The following MOBP variants were observed in gnomAD, a reference collection of about 807,000 sequenced individuals.
MOBP encodes the protein myelin-associated oligodendrocyte basic protein.
A neutral mutation model predicts 15.0 loss-of-function variants in MOBP; 5 were observed. The ratio of observed to expected loss-of-function variants is 0.33; its 90% CI spans 0.17 to 0.70. MOBP has a LOEUF of 0.70. Ranked by LOEUF, MOBP falls within the 30% of genes least tolerant of loss-of-function variation. The pLI is 0.67. For missense variants in MOBP, 188 were observed against 257.8 expected (o/e 0.73, Z 1.85); for synonymous variants, 88 against 99.0 (o/e 0.89, Z 0.66).
downstream of MOBP, among the ~76,000 whole-genome samples, chr3:39,503,318 C>G (rs2043003912): frequency 6.6e-6 from 1 of 152,214 alleles, no homozygotes; most frequent in Non-Finnish European, 1.5e-5. Context: ...CAATACCATT[C>G]ATTCATTCAC....
At chr3:39,481,298 G>A (rs1559416467) in intron 2 of MOBP, among the ~76,000 whole-genome samples, 1 of 152,100 alleles carries the variant, frequency 6.6e-6, no homozygotes, top group Non-Finnish European at 1.5e-5. Context: ...TTCCTCTCAA[G>A]CCTCAAACTC....
chr3:39,495,269 C>A (rs2042861318), intron 2 of MOBP, among the ~76,000 whole-genome samples: 1 of 151,914 alleles, frequency 6.6e-6, no homozygotes, highest in South Asian at 2.1e-4. Flanking sequence ...AAAAATATCT[C>A]CATATATTTG....
At chr3:39,510,580 T>C (rs1367584771) in intron 4 of MOBP, among the ~76,000 whole-genome samples, 1 of 152,236 alleles carries the variant, frequency 6.6e-6, no homozygotes, top group Non-Finnish European at 1.5e-5. Flanking sequence ...AAAATAGCAT[T>C]CTTTTTCAAT....
downstream of MOBP, chr3:39,503,096 C>T (rs142231651): frequency 8.3e-4 from 404 of 486,998 alleles, 5 homozygotes; most frequent in Middle Eastern, 0.013. Context: ...GTGGCCATTG[C>T]TTCCGTTGTC....
chr3:39,520,554 G>A (rs1487872869), downstream of MOBP, among the ~76,000 whole-genome samples: 1 of 136,886 alleles, frequency 7.3e-6, no homozygotes, highest in Non-Finnish European at 1.5e-5. Context: ...GTGTGTGTGT[G>A]TGTATGTGTG....
chr3:39,518,296 C>G (rs1312243296), downstream of MOBP, among the ~76,000 whole-genome samples: 1 of 152,092 alleles, frequency 6.6e-6, no homozygotes, highest in African/African-American at 2.4e-5. Context: ...AAAGTTTTCT[C>G]TTGGATCAAG....
exon 5 of MOBP, chr3:39,514,121 C>A (rs1036165650): frequency 6.6e-6 from 1 of 152,252 alleles, no homozygotes; most frequent in Non-Finnish European, 1.5e-5. Context: ...GCCTGAAAAG[C>A]AGCTCTCTCC....
At chr3:39,472,046 ACC>A (rs953908939) in intron 1 of MOBP, among the ~76,000 whole-genome samples, 28 of 152,304 alleles carry the variant, frequency 1.8e-4, no homozygotes, top group African/African-American at 6.5e-4. Context: ...TCAAGTCCCT[ACC>A]CCTTGGGTGC....
intron 2 of MOBP, among the ~76,000 whole-genome samples, chr3:39,482,716 T>C (rs185203847): frequency 1.3e-4 from 20 of 151,438 alleles, no homozygotes; most frequent in Non-Finnish European, 2.9e-5. Context: ...TCCTTCAGTA[T>C]ATTAAGGATT....
intron 4 of MOBP, among the ~76,000 whole-genome samples, chr3:39,511,913 C>T (rs752546893): frequency 1.3e-5 from 2 of 152,188 alleles, no homozygotes; most frequent in Non-Finnish European, 2.9e-5. Context: ...TGAATCTGAG[C>T]TCTGCTGCCT....
intron 2 of MOBP, among the ~76,000 whole-genome samples, chr3:39,499,061 G>A (rs967255526): frequency 6.6e-6 from 1 of 152,134 alleles, no homozygotes; most frequent in South Asian, 2.1e-4. Context: ...TGCCTGAGCC[G>A]TTTGGGAAAA....
At chr3:39,485,383 C>T (rs1464047) in intron 2 of MOBP, among the ~76,000 whole-genome samples, 58,531 of 152,026 alleles carry the variant, frequency 0.39, 12,796 homozygotes, top group Non-Finnish European at 0.5. Context: ...GGTCGTCAGC[C>T]GCTGGCCTGA....
chr3:39,497,656 A>G (rs541079758), intron 2 of MOBP, among the ~76,000 whole-genome samples: 10 of 152,392 alleles, frequency 6.6e-5, no homozygotes, highest in African/African-American at 2.2e-4. Context: ...ACATTAAAAA[A>G]TGAGATAAAG....
intron 2 of MOBP, among the ~76,000 whole-genome samples, chr3:39,496,938 C>T (rs1204886346): frequency 6.6e-6 from 1 of 152,182 alleles, no homozygotes; most frequent in Non-Finnish European, 1.5e-5. Context: ...GTTGGGATTA[C>T]AGGCGTTAGC....
intron 1 of MOBP, among the ~76,000 whole-genome samples, chr3:39,473,677 T>C (rs2042501852): frequency 6.6e-6 from 1 of 152,194 alleles, no homozygotes; most frequent in Admixed American, 6.5e-5. Context: ...TTGCTATCTC[T>C]AGGAATCAGC....
intron 2 of MOBP, among the ~76,000 whole-genome samples, chr3:39,496,978 C>T (rs1708018): frequency 0.28 from 41,909 of 151,908 alleles, 6,916 homozygotes; most frequent in African/African-American, 0.46. Flanking sequence ...AATTTTTATA[C>T]TTTTAGTAGA....
downstream of MOBP, chr3:39,529,033 A>G (rs2043362726): frequency 6.6e-6 from 1 of 152,272 alleles, no homozygotes; most frequent in Non-Finnish European, 1.5e-5. Context: ...GCAAAGCAGA[A>G]TCAGCTTCTC....
At chr3:39,518,034 ATCAT>A (rs1417906532), downstream of MOBP, among the ~76,000 whole-genome samples, 1 of 152,226 alleles carries the variant, frequency 6.6e-6, no homozygotes. Context: ...TCATAATTTG[ATCAT>A]TTGGCTCAAA....
At chr3:39,488,473 A>G (rs1160366028) in intron 2 of MOBP, among the ~76,000 whole-genome samples, 1 of 152,108 alleles carries the variant, frequency 6.6e-6, no homozygotes, top group African/African-American at 2.4e-5. Context: ...GTCTGTCTGC[A>G]TGTCCTGTTC....
Sources: allele counts gnomAD v4.1 joint callset (sites outside exome capture counted in the v4.1 genomes callset), GRCh38; gene constraint gnomAD v4.1.1; transcripts MANE v1.5; gene names NCBI Gene and HGNC (gene_info 2026-07-23, HGNC 2026-07-21).